Variants in C10orf90 observed in about 807,000 individuals in gnomAD.
The protein encoded by C10orf90 is chromosome 10 open reading frame 90, also known as (E2-independent) E3 ubiquitin-conjugating enzyme FATS.
C10orf90 carries 56 observed loss-of-function variants against 62.5 expected under a neutral mutation model. The observed-to-expected ratio is 0.90, with a 90% CI of 0.72 to 1.12. The LOEUF (loss-of-function observed/expected upper bound fraction) is 1.12, where lower values mean the gene tolerates loss of function less well. Among genes scored for constraint, C10orf90 ranks in the 50% most tolerant of loss-of-function variants. C10orf90 has a pLI of 0.00. For missense variants in C10orf90, 970 were observed against 880.4 expected, an observed-to-expected ratio of 1.10 and a Z score of -1.29; for synonymous variants, 386 against 340.4, an observed-to-expected ratio of 1.13 and a Z score of -1.47.
rs145105632 is a variant in C10orf90 at position 126,510,235 on chromosome 10, G to A, written c.405+3613C>T. ...AAATTTAGTGGGGGTAGTGGGGGAT[G>A]CAATTCAGCCCCTAACACATCACTT... On this transcript the variant is annotated intron_variant, in intron 3 of 9. Coordinates refer to ENST00000488181, the MANE Select transcript of C10orf90 (RefSeq NM_001350921.2). Among the ~76,000 whole-genome samples, 320 of 152,298 alleles carry A rather than the reference G, an allele frequency of 2.1e-3. 1 individual carries two copies. The highest frequency in any genetic ancestry group is 0.01 in the Middle Eastern group (3 of 294).
At chr10:126,536,269 C>CTCCT (rs1191719675) in intron 2 of C10orf90, among the ~76,000 whole-genome samples, 1 of 152,080 alleles carries the variant, frequency 6.6e-6, no homozygotes, top group Admixed American at 6.5e-5. Flanking sequence ...GGTAGCAGGT[C>CTCCT]GCGGAGGAGG....
In C10orf90 at chr10:126,485,776, TA is replaced by T. The variant is rs55941505; in HGVS notation, c.1534+18180del. Among the ~76,000 whole-genome samples, 706 of 144,736 alleles carry T rather than the reference TA, an allele frequency of 4.9e-3. 6 individuals carry two copies. The highest frequency in any genetic ancestry group is 0.013 in the African/African-American group (521 of 39,720). The allele number at this position is 144,736 out of a possible 152,430, so 95.0% of individuals were successfully genotyped here. On this transcript the variant is annotated intron_variant, in intron 4 of 9. Coordinates refer to ENST00000488181, the MANE Select transcript of C10orf90 (RefSeq NM_001350921.2). The stretch of plus-strand genomic sequence containing the variant: ...TAACATGGTGAAACCCTATCTCTAT[TA>T]AAAAAAAAAAATACAAAAAATTAGC...
At chr10:126,473,206 T>G (rs1416901392) in intron 4 of C10orf90, among the ~76,000 whole-genome samples, 1 of 152,168 alleles carries the variant, frequency 6.6e-6, no homozygotes, top group Non-Finnish European at 1.5e-5. Flanking sequence ...ACTCTCTGAC[T>G]ACATCCACTA....
intron 2 of C10orf90, among the ~76,000 whole-genome samples, chr10:126,637,747 G>A (rs1845980483): frequency 6.6e-6 from 1 of 152,208 alleles, no homozygotes; most frequent in Non-Finnish European, 1.5e-5. Flanking sequence ...GAAGGAGATG[G>A]AGTGCAGGGT....
chr10:126,538,511 G>A (rs7916680), intron 2 of C10orf90, among the ~76,000 whole-genome samples: 14,555 of 152,276 alleles, frequency 0.096, 858 homozygotes, highest in East Asian at 0.23. Flanking sequence ...ATAAATGCCT[G>A]TTGCTTAAGC....
intron 3 of C10orf90, among the ~76,000 whole-genome samples, chr10:126,507,610 G>A (rs2133898178): frequency 6.6e-6 from 1 of 151,984 alleles, no homozygotes. Flanking sequence ...ATCATGCGTT[G>A]CTTCCTTGAG....
chr10:126,669,472 T>A (rs1038813497), intron 1 of C10orf90, among the ~76,000 whole-genome samples: 20 of 152,236 alleles, frequency 1.3e-4, no homozygotes, highest in African/African-American at 4.8e-4. Context: ...GCAATTTGCA[T>A]GTTACATCTA....
intron 2 of C10orf90, among the ~76,000 whole-genome samples, chr10:126,593,553 C>T (rs1452332045): frequency 6.6e-6 from 1 of 151,968 alleles, no homozygotes; most frequent in African/African-American, 2.4e-5. Flanking sequence ...GTCAAAGAGG[C>T]ATGGGGGAGG....
intron 4 of C10orf90, among the ~76,000 whole-genome samples, chr10:126,484,952 G>A (rs1861351269): frequency 6.6e-6 from 1 of 152,150 alleles, no homozygotes; most frequent in Non-Finnish European, 1.5e-5. Flanking sequence ...TAAGAACTGT[G>A]ACAATATTAG....
chr10:126,504,227 C>G lies in C10orf90; in HGVS notation c.1264G>C (p.Glu422Gln). The part of the protein sequence containing the change: ...ISEALKQELL[E>Q]GDQDLVGQRW... Reference sequence around the variant, plus strand: ...TGGCCTACGAGGTCCTGGTCTCCCTCCAGGAGCTCCTGCTTCAGGGCTTCG... The same window carrying G: ...TGGCCTACGAGGTCCTGGTCTCCCTGCAGGAGCTCCTGCTTCAGGGCTTCG... The change falls in exon 4 of 10, where the codon GAG (glutamate) becomes CAG (glutamine). Residue 422 changes from glutamate to glutamine, a missense_variant. Glu to Gln is a conservative substitution (Grantham distance 29). Transcript: ENST00000488181. The surrounding 1 kb of genome is among the most constrained non-coding windows in gnomAD (Gnocchi z 4.1). The G allele has an allele frequency of 6.2e-7, 1 of 1,614,178 alleles. No individual in the cohort carries two copies. The highest frequency in any genetic ancestry group is 8.5e-7 in the Non-Finnish European group (1 of 1,180,032).
At chr10:126,521,740 A>T (rs532813569) in intron 2 of C10orf90, among the ~76,000 whole-genome samples, 1 of 152,364 alleles carries the variant, frequency 6.6e-6, no homozygotes, top group East Asian at 1.9e-4. Flanking sequence ...TATGTAGAAA[A>T]TTGAGCAATA....
chr10:126,546,212 C>T (rs1864487800), intron 2 of C10orf90, among the ~76,000 whole-genome samples: 1 of 152,206 alleles, frequency 6.6e-6, no homozygotes, highest in Non-Finnish European at 1.5e-5. Context: ...CCAGCCAAAC[C>T]CCACAGAATA....
At chr10:126,620,266 T>C (rs1845619847) in intron 2 of C10orf90, among the ~76,000 whole-genome samples, 1 of 152,166 alleles carries the variant, frequency 6.6e-6, no homozygotes. Flanking sequence ...CAGTAATCCA[T>C]CTGCAAGCAA....
At chr10:126,430,988 C>A (rs1857539127) in intron 7 of C10orf90, among the ~76,000 whole-genome samples, 1 of 152,144 alleles carries the variant, frequency 6.6e-6, no homozygotes, top group African/African-American at 2.4e-5. Context: ...ATATGGAAAA[C>A]AACAGAGTGG....
chr10:126,576,674 T>A (rs1174082176), intron 2 of C10orf90, among the ~76,000 whole-genome samples: 5,642 of 42,622 alleles, frequency 0.13, 1,233 homozygotes, highest in African/African-American at 0.23. Context: ...CATATATATG[T>A]ATACATATAC....
At chr10:126,532,590 C>T (rs1222794087) in intron 2 of C10orf90, among the ~76,000 whole-genome samples, 1 of 151,786 alleles carries the variant, frequency 6.6e-6, no homozygotes, top group African/African-American at 2.4e-5. Flanking sequence ...ATAGTCCCTG[C>T]ACTTTGGGAG....
intron 2 of C10orf90, among the ~76,000 whole-genome samples, chr10:126,627,359 T>C (rs746387479): frequency 6.6e-6 from 1 of 152,174 alleles, no homozygotes; most frequent in Non-Finnish European, 1.5e-5. Context: ...CTGGTTCCAC[T>C]GTAACATGTC....
chr10:126,662,087 T>A (rs1167495924), intron 1 of C10orf90, among the ~76,000 whole-genome samples: 1 of 26,618 alleles, frequency 3.8e-5, no homozygotes, highest in Non-Finnish European at 7.8e-5. Flanking sequence ...TTTGTTGTAG[T>A]CTTGTTAAAA....
At chr10:126,567,046 G>A (rs928630344) in intron 2 of C10orf90, among the ~76,000 whole-genome samples, 1 of 152,170 alleles carries the variant, frequency 6.6e-6, no homozygotes, top group Non-Finnish European at 1.5e-5. Flanking sequence ...CTGTGAACAT[G>A]GAGCTCAGAG....
Sources: allele counts gnomAD v4.1 joint callset (sites outside exome capture counted in the v4.1 genomes callset), GRCh38; gene constraint gnomAD v4.1.1; non-coding constraint Gnocchi (gnomAD v3.1); transcripts MANE v1.5; gene names NCBI Gene and HGNC (gene_info 2026-07-23, HGNC 2026-07-21).